The following NRG3 variants were observed in gnomAD, a reference collection of about 807,000 sequenced individuals.
NRG3 encodes pro-neuregulin-3, membrane-bound isoform.
NRG3 carries 31 observed loss-of-function variants against 66.9 expected under a neutral mutation model. The ratio of observed to expected loss-of-function variants is 0.46; its 90% CI spans 0.35 to 0.63. The LOEUF is 0.63. Ranked by LOEUF, NRG3 falls within the 20% of genes least tolerant of loss-of-function variation. NRG3 has a pLI of 0.00. For synonymous variants in NRG3, 393 were observed against 359.4 expected (o/e 1.09, Z -1.06); for missense variants, 910 against 878.9 (o/e 1.04, Z -0.45).
chr10:82,670,440 G>A (rs1035021158), intron 2 of NRG3, among the ~76,000 whole-genome samples: 6 of 152,008 alleles, frequency 3.9e-5, no homozygotes, highest in Non-Finnish European at 8.8e-5. Context: ...GCTCAGTCAC[G>A]CTTATTATTC....
At chr10:82,041,759 TCTTTC>T (rs1396819158) in intron 1 of NRG3, among the ~76,000 whole-genome samples, 15 of 151,866 alleles carry the variant, frequency 9.9e-5, no homozygotes, top group Admixed American at 9.9e-4. Context: ...CTTCCTTCCT[TCTTTC>T]CTTCTTTTCT....
intron 2 of NRG3, among the ~76,000 whole-genome samples, chr10:82,508,767 G>T (rs1374157836): frequency 6.6e-6 from 1 of 152,106 alleles, no homozygotes; most frequent in Non-Finnish European, 1.5e-5. Context: ...GCATAAACTG[G>T]AACTCTTCCA....
chr10:81,968,931 T>C (rs1174827168), intron 1 of NRG3, among the ~76,000 whole-genome samples: 1 of 151,938 alleles, frequency 6.6e-6, no homozygotes, highest in African/African-American at 2.4e-5. Context: ...TGAGGCGAGG[T>C]TGTTAGGTCT....
chr10:82,542,442 T>G (rs2043607940), intron 2 of NRG3, among the ~76,000 whole-genome samples: 1 of 152,192 alleles, frequency 6.6e-6, no homozygotes, highest in Non-Finnish European at 1.5e-5. Context: ...AAGATAAATC[T>G]TGAATATAAA....
intron 2 of NRG3, among the ~76,000 whole-genome samples, chr10:82,402,029 G>T (rs922089184): frequency 6.6e-6 from 1 of 151,708 alleles, no homozygotes; most frequent in African/African-American, 2.4e-5. Context: ...AATCAAATTA[G>T]GTTTCTATGA....
At chr10:82,013,711 A>G (rs1320523136) in intron 1 of NRG3, among the ~76,000 whole-genome samples, 2 of 150,768 alleles carry the variant, frequency 1.3e-5, no homozygotes, top group African/African-American at 4.8e-5. Flanking sequence ...TTAAAATAGT[A>G]TATTCTGTTC....
chr10:82,574,186 T>C (rs981995357), intron 2 of NRG3, among the ~76,000 whole-genome samples: 1 of 151,718 alleles, frequency 6.6e-6, no homozygotes, highest in Non-Finnish European at 1.5e-5. Flanking sequence ...TATTACACAA[T>C]AAAATACTAT....
chr10:82,122,802 C>T (rs1420255377), intron 1 of NRG3, among the ~76,000 whole-genome samples: 1 of 152,056 alleles, frequency 6.6e-6, no homozygotes, highest in African/African-American at 2.4e-5. Context: ...GTTCTTTCAA[C>T]TCTCTTATTA....
At chr10:81,877,272 T>C (rs1478268199) in intron 1 of NRG3, among the ~76,000 whole-genome samples, 1 of 152,168 alleles carries the variant, frequency 6.6e-6, no homozygotes, top group Non-Finnish European at 1.5e-5. Flanking sequence ...TCAGGTGTCT[T>C]TTAAGCTGAT....
At chr10:82,362,827 A>G (rs1297274833) in intron 2 of NRG3, among the ~76,000 whole-genome samples, 1 of 152,088 alleles carries the variant, frequency 6.6e-6, no homozygotes, top group Admixed American at 6.6e-5. Flanking sequence ...TAAATGATTG[A>G]CTATCAGGTA....
chr10:82,280,076 C>G (rs2079053648), intron 1 of NRG3, among the ~76,000 whole-genome samples: 1 of 152,042 alleles, frequency 6.6e-6, no homozygotes, highest in Non-Finnish European at 1.5e-5. Context: ...ACAGTTGAGG[C>G]AGTTACCTAA....
chr10:82,787,452 C>A (rs778946562), intron 3 of NRG3, among the ~76,000 whole-genome samples: 3 of 152,052 alleles, frequency 2.0e-5, no homozygotes, highest in Non-Finnish European at 2.9e-5. Flanking sequence ...CAAGGAGGAG[C>A]CTTTGTAGTA....
intron 4 of NRG3, among the ~76,000 whole-genome samples, chr10:82,895,198 G>A (rs550348422): frequency 2.6e-5 from 4 of 152,020 alleles, no homozygotes; most frequent in Admixed American, 2.0e-4. Context: ...ATATGATATT[G>A]CTGTTAATAT....
At chr10:82,837,040 G>T (rs1259302687) in intron 3 of NRG3, among the ~76,000 whole-genome samples, 1 of 152,192 alleles carries the variant, frequency 6.6e-6, no homozygotes, top group South Asian at 2.1e-4. Flanking sequence ...ATGGTTTCCA[G>T]CTTCATCCAT....
At chr10:82,980,286 A>G (rs1001437160) in intron 8 of NRG3, among the ~76,000 whole-genome samples, 8 of 152,210 alleles carry the variant, frequency 5.3e-5, no homozygotes, top group African/African-American at 1.7e-4. Context: ...TTTAAAAATT[A>G]TGTGTGTAAA....
intron 2 of NRG3, among the ~76,000 whole-genome samples, chr10:82,634,703 T>C (rs1454962319): frequency 6.6e-6 from 1 of 152,214 alleles, no homozygotes; most frequent in Non-Finnish European, 1.5e-5. Flanking sequence ...GAAAGTTCTT[T>C]GGGGAAAGTG....
intron 3 of NRG3, among the ~76,000 whole-genome samples, chr10:82,762,679 C>T (rs1192714607): frequency 6.6e-6 from 1 of 152,152 alleles, no homozygotes; most frequent in Non-Finnish European, 1.5e-5. Context: ...ATAGCCTAGA[C>T]TTTATTCAAT....
chr10:82,679,027 TG>T (rs1156831409), intron 2 of NRG3, among the ~76,000 whole-genome samples: 1 of 152,228 alleles, frequency 6.6e-6, no homozygotes, highest in Non-Finnish European at 1.5e-5. Context: ...TTTTATGCTT[TG>T]TTTTGTGATG....
chr10:82,744,824 G>C (rs2058575778), intron 3 of NRG3, among the ~76,000 whole-genome samples: 1 of 152,098 alleles, frequency 6.6e-6, no homozygotes, highest in African/African-American at 2.4e-5. Flanking sequence ...CTGTTGCTAG[G>C]ATGAAATAAA....
Sources: gnomAD v4.1 joint callset for allele counts (sites outside exome capture counted in the v4.1 genomes callset) on GRCh38, gnomAD v4.1.1 for gene constraint, MANE v1.5 for transcripts, NCBI Gene and HGNC (gene_info 2026-07-23, HGNC 2026-07-21) for gene names.